The following SH3BP5 variants were observed in gnomAD, a reference collection of about 807,000 sequenced individuals.
The protein encoded by SH3BP5 is SH3 domain-binding protein 5.
Under a neutral mutation model 43.3 loss-of-function variants are expected in SH3BP5, and 22 were observed. The ratio of observed to expected loss-of-function variants is 0.51; its 90% CI spans 0.36 to 0.73. The LOEUF is 0.73. Ranked by LOEUF, SH3BP5 falls within the 30% of genes least tolerant of loss-of-function variation. The pLI, the probability that SH3BP5 is intolerant of heterozygous loss-of-function variation, is 0.00. For synonymous variants in SH3BP5, 255 were observed against 225.8 expected (o/e 1.13, Z -1.16); for missense variants, 529 against 586.9 (o/e 0.90, Z 1.02).
At chr3:15,267,266 G>A (rs1392629814) in intron 4 of SH3BP5, among the ~76,000 whole-genome samples, 3 of 152,220 alleles carry the variant, frequency 2.0e-5, no homozygotes, top group African/African-American at 7.2e-5. Flanking sequence ...AACCATGCAA[G>A]TGTGTGTCCT....
Position 15,255,841 on chromosome 3 carries a change from G to C in SH3BP5, c.*245C>G, listed in dbSNP as rs907001363. On this transcript the variant is annotated 3_prime_UTR_variant, in exon 9 of 9. Transcript: ENST00000383791. ...ATTGCTTCCACAATGCCGTTATACGGAATGTTCCACAAAGGCTGTGAACCT... is the reference window on the plus strand; with the variant it reads ...ATTGCTTCCACAATGCCGTTATACGCAATGTTCCACAAAGGCTGTGAACCT... 2.2e-6 allele frequency: 1 copy of C among 458,480 alleles called. No individual in the cohort carries two copies. The highest frequency in any genetic ancestry group is 3.9e-6 in the Non-Finnish European group (1 of 257,272). The allele number at this position is 458,480 out of a possible 1,614,324, so 28.4% of individuals were successfully genotyped here. A position where few individuals can be genotyped will look rare whatever the true frequency, so the allele number is the denominator to read the frequency against.
chr3:15,303,848 C>T (rs1367112272), intron 3 of SH3BP5, among the ~76,000 whole-genome samples: 1 of 152,160 alleles, frequency 6.6e-6, no homozygotes, highest in Non-Finnish European at 1.5e-5. Flanking sequence ...ACCCTCTGGA[C>T]ACGTCCCCTT....
intron 3 of SH3BP5, among the ~76,000 whole-genome samples, chr3:15,271,051 T>C (rs533872013): frequency 2.1e-4 from 32 of 151,708 alleles, no homozygotes; most frequent in African/African-American, 7.2e-4. Flanking sequence ...GAAATAATAT[T>C]TTGGATATAT....
chr3:15,326,990 C>T (rs1328601713), intron 2 of SH3BP5, among the ~76,000 whole-genome samples: 1 of 152,312 alleles, frequency 6.6e-6, no homozygotes, highest in East Asian at 1.9e-4. Context: ...CACAGGCTTG[C>T]TCCAAGCCCT....
intron 2 of SH3BP5, among the ~76,000 whole-genome samples, chr3:15,308,286 G>A (rs1697965057): frequency 6.6e-6 from 1 of 152,248 alleles, no homozygotes; most frequent in Admixed American, 6.5e-5. Flanking sequence ...ACTACTGTCA[G>A]TGCTTTAACC....
rs534939536 is a variant in SH3BP5, at chr3:15,279,632, G to A, written c.331-9755C>T. 3.9e-5 allele frequency among the ~76,000 whole-genome samples: 6 copies of A among 152,290 alleles called. No individual in the cohort carries two copies. The South Asian group carries it at 1.2e-3, about 32-fold the overall frequency. On this transcript the variant is annotated intron_variant, in intron 3 of 8. Coordinates refer to ENST00000383791, the MANE Select transcript of SH3BP5 (RefSeq NM_004844.5). ...CAGGATTGCCCCAAGGTTGGTAATA[G>A]AAGCTGGATGACAAACATCCAAGGT...
chr3:15,303,158 C>T (rs928945094), intron 3 of SH3BP5, among the ~76,000 whole-genome samples: 11 of 152,208 alleles, frequency 7.2e-5, no homozygotes, highest in African/African-American at 2.7e-4. Flanking sequence ...AAGGCAGCAT[C>T]TTCCATCATG....
At chr3:15,265,512 T>TCTCACTCTCACACACACACACACA (rs1318765546) in intron 4 of SH3BP5, among the ~76,000 whole-genome samples, 3 of 107,988 alleles carry the variant, frequency 2.8e-5, no homozygotes, top group African/African-American at 1.2e-4. Flanking sequence ...CGAGACTCCG[T>TCTCACTCTCACACACACACACACA]CACACACACA....
chr3:15,301,221 A>T (rs902060591), intron 3 of SH3BP5, among the ~76,000 whole-genome samples: 3 of 152,138 alleles, frequency 2.0e-5, no homozygotes, highest in African/African-American at 7.2e-5. Context: ...TTTGCCAGTC[A>T]TGCCACTCTC....
In SH3BP5 at chr3:15,256,527, A is replaced by G. The variant is rs150106749; in HGVS notation, c.1151-224T>C. 9.5e-4 allele frequency: 576 copies of G among 608,104 alleles called. 1 individual carries two copies. Among genetic ancestry groups the G allele is most frequent in the Admixed American group, 2.4e-3 (78 of 33,010 alleles). 37.7% of individuals were successfully genotyped at this position (608,104 alleles called of 1,614,324 possible). On this transcript the variant is annotated intron_variant, in intron 8 of 8. Transcript: ENST00000383791. ...CTGCTTTTATTCCTTGTGATGTTTT[A>G]TATATTCCTTAGCTATAGAGATGAA...
At chr3:15,265,088 G>C (rs1033891903) in intron 4 of SH3BP5, among the ~76,000 whole-genome samples, 3 of 151,980 alleles carry the variant, frequency 2.0e-5, no homozygotes, top group African/African-American at 4.8e-5. Flanking sequence ...CACTTGGAAA[G>C]CTCCGAGCCC....
intron 7 of SH3BP5, chr3:15,257,320 A>G: frequency 1.8e-6 from 1 of 564,514 alleles, no homozygotes; most frequent in South Asian, 2.3e-5. Flanking sequence ...GCAGGATCCC[A>G]TGGATATTAA....
At chr3:15,290,653 C>T (rs1362186977) in intron 3 of SH3BP5, among the ~76,000 whole-genome samples, 2 of 151,636 alleles carry the variant, frequency 1.3e-5, no homozygotes, top group East Asian at 1.9e-4. Flanking sequence ...GAACTGAGAT[C>T]GTGCCACTGC....
At chr3:15,294,950 C>T (rs1028998090) in intron 3 of SH3BP5, among the ~76,000 whole-genome samples, 14 of 152,126 alleles carry the variant, frequency 9.2e-5, no homozygotes, top group East Asian at 1.9e-4. Flanking sequence ...TTCATATCTG[C>T]ACTGACCCCT....
intron 3 of SH3BP5, among the ~76,000 whole-genome samples, chr3:15,290,256 C>T (rs113154428): frequency 0.019 from 2,905 of 151,840 alleles, 80 homozygotes; most frequent in African/African-American, 0.065. Flanking sequence ...AGGCTGGGCG[C>T]GGTGGCTCAC....
intron 3 of SH3BP5, among the ~76,000 whole-genome samples, chr3:15,293,852 C>G (rs1004072329): frequency 6.6e-6 from 1 of 151,946 alleles, no homozygotes; most frequent in Non-Finnish European, 1.5e-5. Flanking sequence ...CCGAGGCAGG[C>G]GGATCATCTG....
At chr3:15,284,209 C>T (rs1404035263) in intron 3 of SH3BP5, among the ~76,000 whole-genome samples, 1 of 152,180 alleles carries the variant, frequency 6.6e-6, no homozygotes, top group Non-Finnish European at 1.5e-5. Context: ...CTGATGGGAA[C>T]CCACAGTTTG....
At chr3:15,274,255 A>AAAAAG (rs1553614793) in intron 3 of SH3BP5, among the ~76,000 whole-genome samples, 7,528 of 151,008 alleles carry the variant, frequency 0.05, 668 homozygotes, top group African/African-American at 0.18. Context: ...CAACAAAAAA[A>AAAAAG]AAAGAAAGAA....
At chr3:15,320,640 A>ACACACACACACACCCCC (rs373879792) in intron 2 of SH3BP5, among the ~76,000 whole-genome samples, 1 of 149,558 alleles carries the variant, frequency 6.7e-6, no homozygotes, top group African/African-American at 2.5e-5. Context: ...ACACACACAC[A>ACACACACACACACCCCC]CCCCACTACG....
Sources: allele counts gnomAD v4.1 joint callset (sites outside exome capture counted in the v4.1 genomes callset), GRCh38; gene constraint gnomAD v4.1.1; transcripts MANE v1.5; gene names NCBI Gene and HGNC (gene_info 2026-07-23, HGNC 2026-07-21).